Variants in CSMD1 observed in about 807,000 individuals in gnomAD.
CSMD1 encodes CUB and Sushi multiple domains 1.
CSMD1 carries 213 observed loss-of-function variants against 417.5 expected under a neutral mutation model. The ratio of observed to expected loss-of-function variants is 0.51; its 90% CI spans 0.46 to 0.57. The LOEUF (loss-of-function observed/expected upper bound fraction) is 0.57, where lower values mean the gene tolerates loss of function less well. Among genes scored for constraint, CSMD1 ranks in the 20% least tolerant of loss-of-function variants. The probability of loss-of-function intolerance (pLI) is 0.00; values close to 1 mark genes in which losing one functional copy is unlikely to be tolerated. For synonymous variants in CSMD1, 2,862 were observed against 1,736.8 expected (o/e 1.65, Z -16.11); for missense variants, 6,923 against 4,529.7 (o/e 1.53, Z -15.17).
chr8:3,284,433 T>C (rs2117238083), intron 25 of CSMD1, 87 bp from the exon 26 acceptor site: 1 of 982,910 alleles, frequency 1.0e-6, no homozygotes. Flanking sequence ...CTCATTTCGC[T>C]TTCACACAAC....
At chr8:4,822,771 G>C (rs1285736868) in intron 1 of CSMD1, among the ~76,000 whole-genome samples, 2 of 151,752 alleles carry the variant, frequency 1.3e-5, no homozygotes, top group South Asian at 2.1e-4. Context: ...TTAACCTCTG[G>C]GTATGGCAAT....
chr8:3,396,360 A>C lies in CSMD1; in HGVS notation c.2427T>G (p.Tyr809Ter), dbSNP rs779345273. 1 of 1,593,860 alleles carries C rather than the reference A, an allele frequency of 6.3e-7. No individual in the cohort carries two copies. Residue 809 changes from tyrosine (Y) to a stop codon, truncating the protein, a stop_gained, in exon 17 of 70, where the codon TAT (tyrosine) becomes TAG (stop). Coordinates refer to ENST00000635120, the MANE Select transcript of CSMD1 (RefSeq NM_033225.6). LOFTEE classifies it high-confidence loss of function. ...GCCCATCTCTGACCTCCAAGGTGTC[A>C]TAATTGACCTCTGTCTGAAATCTGC... ...TFDRFQTEVN[Y>*]DTLEVRDGPA...
chr8:3,651,438 T>A (rs1016877166), intron 7 of CSMD1, among the ~76,000 whole-genome samples: 6 of 152,064 alleles, frequency 3.9e-5, no homozygotes, highest in African/African-American at 1.4e-4. Flanking sequence ...GAGCACGTAA[T>A]GCCTCAGGGT....
intron 1 of CSMD1, among the ~76,000 whole-genome samples, chr8:4,670,440 CAT>C (rs773805698): frequency 1.3e-4 from 20 of 152,252 alleles, no homozygotes; most frequent in African/African-American, 3.4e-4. Flanking sequence ...AAGGAGCAAA[CAT>C]GTGTGTCCTG....
rs1280725218 is a variant in CSMD1, at chr8:2,978,800, A to G, written c.8378T>C (p.Val2793Ala). ...QWSSPLPTCR[V>A]VNCSDPGFVE... ...AAAGCCTGGATCAGAACAGTTCACC[A>G]CTAGAAAATAAAACATTTCACACAC... The change falls in exon 55 of 70, where the codon GTG becomes GCG. Residue 2793 changes from valine (V) to alanine (A), a missense_variant and splice_region_variant. Val to Ala is a moderately conservative substitution (Grantham distance 64). Transcript: ENST00000635120. 6.3e-7 allele frequency: 1 copy of G among 1,595,586 alleles called. No individual in the cohort carries two copies. The highest frequency in any genetic ancestry group is 1.1e-5 in the South Asian group (1 of 87,308).
chr8:3,731,765 T>C (rs938077495), intron 6 of CSMD1, among the ~76,000 whole-genome samples: 7 of 152,266 alleles, frequency 4.6e-5, no homozygotes, highest in South Asian at 4.1e-4. Flanking sequence ...AATACCAATA[T>C]TAATGGTAAC....
At chr8:4,333,761 G>T (rs565639140) in intron 3 of CSMD1, among the ~76,000 whole-genome samples, 9 of 152,186 alleles carry the variant, frequency 5.9e-5, no homozygotes, top group African/African-American at 2.2e-4. Context: ...GCCTGCCACG[G>T]GTAGGTAGCC....
In CSMD1 at chr8:4,169,614, A is replaced by T. The variant is rs78073683; in HGVS notation, c.416-137515T>A. Among the ~76,000 whole-genome samples, 686 of 152,236 alleles carry T rather than the reference A, an allele frequency of 4.5e-3. 9 individuals carry two copies. Among genetic ancestry groups the T allele is most frequent in the African/African-American group, 0.016 (666 of 41,510 alleles). ...TAGAAGAATCTTGTGAAATATGAGA[A>T]AAAGTGCATCAGTCCCTTGCTGCTG... On this transcript the variant is annotated intron_variant, in intron 3 of 69. Transcript: ENST00000635120.
chr8:3,964,418 T>C (rs1812537402), intron 5 of CSMD1, among the ~76,000 whole-genome samples: 1 of 152,192 alleles, frequency 6.6e-6, no homozygotes, highest in Non-Finnish European at 1.5e-5. Context: ...TCCTGTTTTT[T>C]GACTGAGGCC....
At chr8:3,420,075 A>G (rs748540045) in intron 12 of CSMD1, among the ~76,000 whole-genome samples, 1 of 152,122 alleles carries the variant, frequency 6.6e-6, no homozygotes, top group Non-Finnish European at 1.5e-5. Context: ...TCTCTTTGCT[A>G]TTATTATTAA....
intron 26 of CSMD1, among the ~76,000 whole-genome samples, chr8:3,255,609 A>G (rs1206493825): frequency 6.6e-6 from 1 of 152,034 alleles, no homozygotes; most frequent in African/African-American, 2.4e-5. Context: ...CTGCAGTTTG[A>G]TCTCAGACTG....
chr8:4,373,896 G>A (rs1028303599), intron 3 of CSMD1, among the ~76,000 whole-genome samples: 1 of 152,100 alleles, frequency 6.6e-6, no homozygotes, highest in Non-Finnish European at 1.5e-5. Context: ...CTGTTAGTGA[G>A]GTATTAAAAT....
chr8:4,241,057 C>G (rs1239813269), intron 3 of CSMD1, among the ~76,000 whole-genome samples: 1 of 152,088 alleles, frequency 6.6e-6, no homozygotes, highest in Non-Finnish European at 1.5e-5. Flanking sequence ...TGAAGCTACC[C>G]CTATGGATTT....
intron 4 of CSMD1, among the ~76,000 whole-genome samples, chr8:4,014,388 G>T (rs1051329886): frequency 1.3e-5 from 2 of 152,170 alleles, no homozygotes; most frequent in Non-Finnish European, 2.9e-5. Flanking sequence ...AATGCACATA[G>T]AAGTGTGTAT....
chr8:4,654,194 G>C (rs2617031), intron 1 of CSMD1, among the ~76,000 whole-genome samples: 91,917 of 151,888 alleles, frequency 0.61, 28,113 homozygotes, highest in Admixed American at 0.68. Flanking sequence ...CTCTTCTGGA[G>C]TAGTCTGGAT....
intron 1 of CSMD1, among the ~76,000 whole-genome samples, chr8:4,692,151 C>T (rs1039705604): frequency 6.6e-6 from 1 of 152,096 alleles, no homozygotes; most frequent in African/African-American, 2.4e-5. Context: ...AAAACCTGCC[C>T]CCTGTCCCTT....
intron 3 of CSMD1, among the ~76,000 whole-genome samples, chr8:4,274,025 C>T (rs1226165977): frequency 6.6e-6 from 1 of 152,072 alleles, no homozygotes; most frequent in Non-Finnish European, 1.5e-5. Context: ...TATTCTATGT[C>T]ACTTAAAATA....
At chr8:3,536,443 A>T (rs1215894448) in intron 10 of CSMD1, among the ~76,000 whole-genome samples, 2 of 152,220 alleles carry the variant, frequency 1.3e-5, no homozygotes, top group African/African-American at 4.8e-5. Flanking sequence ...CAGGTTCACC[A>T]ATGGGCTGAG....
chr8:3,287,216 A>T (rs1387013965), intron 25 of CSMD1, among the ~76,000 whole-genome samples: 1 of 142,182 alleles, frequency 7.0e-6, no homozygotes. Context: ...CTTGTAGTAC[A>T]GTTTGAAGTC....
Sources: gnomAD v4.1 joint callset for allele counts (sites outside exome capture counted in the v4.1 genomes callset) on GRCh38, gnomAD v4.1.1 for gene constraint, MANE v1.5 for transcripts, NCBI Gene and HGNC (gene_info 2026-07-23, HGNC 2026-07-21) for gene names.